The following CYP11A1 variants were observed in gnomAD, a reference collection of about 807,000 sequenced individuals.
CYP11A1 encodes cholesterol side-chain cleavage enzyme, mitochondrial.
CYP11A1 carries 25 observed loss-of-function variants against 51.9 expected under a neutral mutation model. That is an observed-to-expected ratio of 0.48 (90% confidence interval 0.35 to 0.67). The LOEUF is 0.67. CYP11A1 is among the 30% of genes least tolerant of loss of function. The pLI is 0.00. For synonymous variants in CYP11A1, 245 were observed against 262.1 expected (o/e 0.93, Z 0.63); for missense variants, 578 against 680.9 (o/e 0.85, Z 1.68).
At chr15:74,362,146 G>C (rs1285066091) in intron 1 of CYP11A1, 1 of 704,338 alleles carries the variant, frequency 1.4e-6, no homozygotes, top group Non-Finnish European at 2.4e-6. Flanking sequence ...GAATCTTTGT[G>C]CTCTCGCTGC....
chr15:74,367,084 C>T (rs1482826988), intron 1 of CYP11A1: 1 of 581,912 alleles, frequency 1.7e-6, no homozygotes, highest in Non-Finnish European at 3.0e-6. Flanking sequence ...CCAATTGTTT[C>T]AAAAGTAGAT....
chr15:74,357,598 A>G (rs1372690972), intron 1 of CYP11A1, among the ~76,000 whole-genome samples: 1 of 152,172 alleles, frequency 6.6e-6, no homozygotes, highest in Non-Finnish European at 1.5e-5. Context: ...CTGTTCCTTA[A>G]AAACAGCCCT....
At position 74,367,178 on chromosome 15, in the gene CYP11A1, CAAAAAA is replaced by C. The variant is rs11350546; in HGVS notation, c.269+133_269+138del. On this transcript the variant is annotated intron_variant, in intron 1 of 8. Transcript: ENST00000268053. ...CTGATATATTTCTGTATTGTATTAC[CAAAAAA>C]AAAAAAAAAAAAGAAGTTAGACAGG... The C allele has an allele frequency of 3.1e-3, 2,138 of 692,216 alleles. 2 individuals are homozygous for C. Among genetic ancestry groups the C allele is most frequent in the South Asian group, 0.011 (598 of 55,556 alleles). 42.9% of individuals were successfully genotyped at this position (692,216 alleles called of 1,614,324 possible).
chr15:74,366,466 T>C (rs2060734211), intron 1 of CYP11A1, among the ~76,000 whole-genome samples: 1 of 146,752 alleles, frequency 6.8e-6, no homozygotes, highest in Non-Finnish European at 1.5e-5. Context: ...TTTATTTTAT[T>C]TATTTATTTA....
At chr15:74,343,164 A>C in intron 4 of CYP11A1, 27 bp from the exon 5 acceptor site, 1 of 1,612,836 alleles carries the variant, frequency 6.2e-7, no homozygotes, top group African/African-American at 1.3e-5. Flanking sequence ...AAGAAAAAAG[A>C]GTGAGGTTCC....
chr15:74,342,673 C>T (rs1387762821), intron 5 of CYP11A1, among the ~76,000 whole-genome samples: 2 of 152,262 alleles, frequency 1.3e-5, no homozygotes, highest in African/African-American at 4.8e-5. Context: ...GAGCAAGCCT[C>T]CAGAGGGGAC....
In CYP11A1 at chr15:74,345,068, C is replaced by A; in HGVS notation, c.601G>T (p.Asp201Tyr). 6.2e-7 allele frequency: 1 copy of A among 1,614,056 alleles called. No homozygotes were observed. Among genetic ancestry groups the A allele is most frequent in the South Asian group, 1.1e-5 (1 of 91,056 alleles). Residue 201 changes from aspartate (D) to tyrosine (Y), a missense_variant, in exon 3 of 9, where the codon GAC becomes TAC. Physicochemically the swap from Asp to Tyr is radical, Grantham distance 160. Transcript: ENST00000268053. The surrounding 1 kb of genome is among the most constrained non-coding windows in gnomAD (Gnocchi z 4.3). The stretch of plus-strand genomic sequence containing the variant: ...CACTCAAAGGCAAAGCGGAACAGGT[C>A]ATCACTGATGTCCCCCGAGTAATTT... Reference protein sequence around the residue: ...SGNYSGDISDDLFRFAFESIT... With the variant: ...SGNYSGDISDYLFRFAFESIT...
chr15:74,338,598 C>T lies in CYP11A1; in HGVS notation c.1407G>A (p.Glu469=). Reference sequence around the variant, plus strand: ...TGATGAGGAAGATGGTCATCTCTAGCTCAGCGATCCGCCGTCCCAGACACT... The same window carrying T: ...TGATGAGGAAGATGGTCATCTCTAGTTCAGCGATCCGCCGTCCCAGACACT... ...VRQCLGRRIA[E]LEMTIFLINM... The change falls in exon 8 of 9, where the codon GAG becomes GAA. Residue 469 remains glutamate (E), a synonymous_variant. Transcript: ENST00000268053. 1 of 1,614,180 alleles carries T rather than the reference C, an allele frequency of 6.2e-7. No homozygotes were observed. Among genetic ancestry groups the T allele is most frequent in the South Asian group, 1.1e-5 (1 of 91,088 alleles).
At chr15:74,358,490 T>A (rs937789184) in intron 1 of CYP11A1, among the ~76,000 whole-genome samples, 2 of 152,226 alleles carry the variant, frequency 1.3e-5, no homozygotes, top group African/African-American at 4.8e-5. Context: ...CATGGAAATC[T>A]ATCCACAAGG....
chr15:74,350,382 C>G (rs993387647), intron 1 of CYP11A1: 1 of 181,240 alleles, frequency 5.5e-6, no homozygotes, highest in East Asian at 1.8e-4. Flanking sequence ...ACACACAGAG[C>G]TGGAAGTCAG....
At chr15:74,346,741 C>G (rs2060634615) in intron 2 of CYP11A1, among the ~76,000 whole-genome samples, 1 of 152,050 alleles carries the variant, frequency 6.6e-6, no homozygotes, top group South Asian at 2.1e-4. Flanking sequence ...CAGATGAGAG[C>G]CCCAGTTGCT....
intron 1 of CYP11A1, among the ~76,000 whole-genome samples, chr15:74,359,235 C>T (rs2060695702): frequency 6.6e-6 from 1 of 152,196 alleles, no homozygotes; most frequent in Non-Finnish European, 1.5e-5. Flanking sequence ...TAATCTCTCC[C>T]ACTCTAGGTT....
At chr15:74,343,595 T>C (rs556521060) in intron 4 of CYP11A1, among the ~76,000 whole-genome samples, 194 bp downstream of exon 4, 2 of 152,182 alleles carry the variant, frequency 1.3e-5, no homozygotes, top group Non-Finnish European at 2.9e-5. Flanking sequence ...TCCAGAAAAA[T>C]CTAATAATCC....
intron 1 of CYP11A1, chr15:74,354,330 C>T (rs1236513340): frequency 6.6e-6 from 1 of 152,112 alleles, no homozygotes; most frequent in Non-Finnish European, 1.5e-5. Context: ...CCCCACTGAG[C>T]ACCTTGTGAC....
At chr15:74,359,897 G>A (rs993840669) in intron 1 of CYP11A1, among the ~76,000 whole-genome samples, 2 of 152,134 alleles carry the variant, frequency 1.3e-5, no homozygotes, top group Non-Finnish European at 2.9e-5. Flanking sequence ...TAGAAGTCAC[G>A]TATATCTCCT....
At chr15:74,343,672 C>T (rs1209493150) in intron 4 of CYP11A1, 117 bp downstream of exon 4, 11 of 937,518 alleles carry the variant, frequency 1.2e-5, no homozygotes, top group Admixed American at 3.4e-5. Context: ...CACGCCTGCC[C>T]GCCACAGTGT....
chr15:74,346,365 AAAAAAAAAG>A (rs1401742271), intron 2 of CYP11A1, among the ~76,000 whole-genome samples: 8 of 150,334 alleles, frequency 5.3e-5, no homozygotes, highest in East Asian at 1.9e-4. Context: ...AAAAAAAAAA[AAAAAAAAAG>A]AAAGAAAGAA....
intron 1 of CYP11A1, chr15:74,361,698 G>A: frequency 8.1e-7 from 1 of 1,234,592 alleles, no homozygotes; most frequent in Non-Finnish European, 1.2e-6. Context: ...TGGTTATAAG[G>A]GTTCCTGCTT....
intron 5 of CYP11A1, among the ~76,000 whole-genome samples, chr15:74,342,705 G>A (rs1458941799): frequency 6.6e-6 from 1 of 152,170 alleles, no homozygotes; most frequent in Non-Finnish European, 1.5e-5. Context: ...GAGACTCTAC[G>A]TGGAACCTGG....
Sources: gnomAD v4.1 joint callset for allele counts (sites outside exome capture counted in the v4.1 genomes callset) on GRCh38, gnomAD v4.1.1 for gene constraint, Gnocchi (gnomAD v3.1) non-coding constraint, MANE v1.5 for transcripts, NCBI Gene and HGNC (gene_info 2026-07-23, HGNC 2026-07-21) for gene names.